XKR4: variants seen among roughly 807,000 people sequenced by gnomAD.
XKR4 encodes XK-related protein 4.
A neutral mutation model predicts 53.9 loss-of-function variants in XKR4; 12 were observed. The ratio of observed to expected loss-of-function variants is 0.22; its 90% CI spans 0.14 to 0.36. XKR4 has a LOEUF of 0.36. XKR4 is among the 10% of genes least tolerant of loss of function. XKR4 has a pLI of 1.00. For synonymous variants in XKR4, 354 were observed against 362.4 expected (o/e 0.98, Z 0.26); for missense variants, 799 against 859.5 (o/e 0.93, Z 0.88).
intron 1 of XKR4, among the ~76,000 whole-genome samples, chr8:55,132,358 T>C (rs1198178985): frequency 6.6e-6 from 1 of 152,206 alleles, no homozygotes; most frequent in Non-Finnish European, 1.5e-5. Context: ...TGAAGACCCC[T>C]TGAAAGTGTG....
At chr8:55,128,130 G>A (rs886823040) in intron 1 of XKR4, among the ~76,000 whole-genome samples, 2 of 151,924 alleles carry the variant, frequency 1.3e-5, no homozygotes, top group Admixed American at 1.3e-4. Flanking sequence ...GGTATTTCTA[G>A]TTCTAGATCC....
At chr8:55,523,204 C>T in intron 2 of XKR4, 77 bp from the exon 3 acceptor site, 3 of 1,347,928 alleles carry the variant, frequency 2.2e-6, no homozygotes, top group Non-Finnish European at 3.0e-6. Flanking sequence ...TTCCCCAAGC[C>T]CCCAGCTCTG....
At chr8:55,430,902 T>C (rs1563348138) in intron 2 of XKR4, among the ~76,000 whole-genome samples, 3 of 152,158 alleles carry the variant, frequency 2.0e-5, no homozygotes, top group South Asian at 2.1e-4. Context: ...AGGCTTCAAA[T>C]AGAGTCACAT....
chr8:55,425,617 C>G (rs1805000738), intron 2 of XKR4, among the ~76,000 whole-genome samples: 1 of 152,150 alleles, frequency 6.6e-6, no homozygotes, highest in African/African-American at 2.4e-5. Context: ...TCCCCTGTAT[C>G]TTCTATCTGT....
chr8:55,169,451 GA>G (rs1295169980), intron 1 of XKR4, among the ~76,000 whole-genome samples: 1 of 152,208 alleles, frequency 6.6e-6, no homozygotes, highest in Non-Finnish European at 1.5e-5. Context: ...TAGAGTTACA[GA>G]AGGGTATCGA....
intron 2 of XKR4, among the ~76,000 whole-genome samples, chr8:55,458,101 G>T (rs930287096): frequency 3.3e-5 from 5 of 152,190 alleles, no homozygotes; most frequent in Middle Eastern, 3.4e-3. Flanking sequence ...AATTCCAGGA[G>T]CATTTTTTCA....
intron 2 of XKR4, among the ~76,000 whole-genome samples, chr8:55,359,418 C>T (rs1803868208): frequency 6.6e-6 from 1 of 152,176 alleles, no homozygotes; most frequent in South Asian, 2.1e-4. Context: ...CAATGAATTC[C>T]CAATAGGCAT....
intron 2 of XKR4, among the ~76,000 whole-genome samples, chr8:55,447,716 C>A (rs1805367561): frequency 6.6e-6 from 1 of 152,168 alleles, no homozygotes; most frequent in Non-Finnish European, 1.5e-5. Context: ...CAATAAAATT[C>A]AGGCAAGACA....
chr8:55,354,160 G>T (rs1436731463), intron 1 of XKR4, among the ~76,000 whole-genome samples: 1 of 152,174 alleles, frequency 6.6e-6, no homozygotes, highest in Admixed American at 6.5e-5. Context: ...CCATGCAGGA[G>T]AAAGCAGAGG....
intron 1 of XKR4, among the ~76,000 whole-genome samples, chr8:55,312,068 G>A (rs1404770201): frequency 6.6e-6 from 1 of 151,990 alleles, no homozygotes; most frequent in Non-Finnish European, 1.5e-5. Flanking sequence ...ATTCTAAAAA[G>A]CTTCCAGCCA....
chr8:55,134,427 A>G (rs1816597042), intron 1 of XKR4, among the ~76,000 whole-genome samples: 1 of 152,244 alleles, frequency 6.6e-6, no homozygotes, highest in South Asian at 2.1e-4. Flanking sequence ...TCATGTGCCA[A>G]TGCTCCTTTC....
At chr8:55,283,848 A>G (rs1818872009) in intron 1 of XKR4, among the ~76,000 whole-genome samples, 1 of 152,206 alleles carries the variant, frequency 6.6e-6, no homozygotes, top group Non-Finnish European at 1.5e-5. Flanking sequence ...CTCATTTCAC[A>G]ATGATGCTAC....
rs1816049706 is a variant in XKR4, at chr8:55,102,161, C to A, written c.-328C>A. Among the ~76,000 whole-genome samples, 1 of 147,344 alleles carries A rather than the reference C, an allele frequency of 6.8e-6. No homozygotes were observed. Among genetic ancestry groups the A allele is most frequent in the South Asian group, 2.2e-4 (1 of 4,534 alleles). ...CTGCTCCTGCTGCTGGCGGCGGCGG[C>A]GGCTCGGGCGGCAGCAGCGAAGCCG... On this transcript the variant is annotated 5_prime_UTR_variant, in exon 1 of 3. Coordinates refer to ENST00000327381, the MANE Select transcript of XKR4 (RefSeq NM_052898.2). The surrounding 1 kb of genome is among the most constrained non-coding windows in gnomAD (Gnocchi z 5.1).
intron 1 of XKR4, among the ~76,000 whole-genome samples, chr8:55,128,030 G>T (rs577883363): frequency 6.6e-5 from 10 of 151,934 alleles, no homozygotes; most frequent in African/African-American, 2.4e-4. Context: ...GAATAGTCTC[G>T]CAATACACAT....
In XKR4 at chr8:55,528,536, A is replaced by G. The variant is rs1376077243; in HGVS notation, c.*4309A>G. The G allele has an allele frequency of 6.6e-6, 1 of 152,228 alleles. No homozygotes were observed. The highest frequency in any genetic ancestry group is 2.4e-5 in the African/African-American group (1 of 41,458). The allele number at this position is 152,228 out of a possible 1,614,324, so 9.4% of individuals were successfully genotyped here. On this transcript the variant is annotated 3_prime_UTR_variant, in exon 3 of 3. Transcript: ENST00000327381. Reference sequence around the variant, plus strand: ...CTTGCATTTTCCACATATCTTTGCCATTAGCCATTGCTGTTTCTATATAAA... The same window carrying G: ...CTTGCATTTTCCACATATCTTTGCCGTTAGCCATTGCTGTTTCTATATAAA...
At chr8:55,340,647 T>C (rs1034188847) in intron 1 of XKR4, among the ~76,000 whole-genome samples, 10 of 152,204 alleles carry the variant, frequency 6.6e-5, no homozygotes, top group African/African-American at 2.4e-4. Flanking sequence ...CAACAAAATC[T>C]ATTTCTCATT....
intron 2 of XKR4, among the ~76,000 whole-genome samples, chr8:55,447,999 C>T (rs1460395416): frequency 6.6e-6 from 1 of 152,210 alleles, no homozygotes; most frequent in Non-Finnish European, 1.5e-5. Flanking sequence ...CCCACCCTCA[C>T]TCCTGAGATT....
chr8:55,479,901 A>C (rs922253053), intron 2 of XKR4, among the ~76,000 whole-genome samples: 1 of 152,180 alleles, frequency 6.6e-6, no homozygotes, highest in Non-Finnish European at 1.5e-5. Context: ...AATTGTGGCA[A>C]TAATCAATAG....
At chr8:55,318,399 T>C (rs999587035) in intron 1 of XKR4, among the ~76,000 whole-genome samples, 2 of 152,184 alleles carry the variant, frequency 1.3e-5, no homozygotes, top group African/African-American at 4.8e-5. Context: ...GAACACCTAC[T>C]ATCAACTAGA....
Sources: allele counts gnomAD v4.1 joint callset (sites outside exome capture counted in the v4.1 genomes callset), GRCh38; gene constraint gnomAD v4.1.1; non-coding constraint Gnocchi (gnomAD v3.1); transcripts MANE v1.5; gene names NCBI Gene and HGNC (gene_info 2026-07-23, HGNC 2026-07-21).